TMEM132C: variants seen among roughly 807,000 people sequenced by gnomAD.
TMEM132C encodes protein phosphatase 1, regulatory subunit 152.
In TMEM132C, 29 loss-of-function variants were observed where a neutral mutation model predicts 61.4. That is an observed-to-expected ratio of 0.47 (90% CI 0.35 to 0.64). The LOEUF is 0.64. Among genes scored for constraint, TMEM132C ranks in the 30% least tolerant of loss-of-function variants. TMEM132C has a pLI of 0.00. For missense variants in TMEM132C, 1,408 were observed against 1,476.9 expected (o/e 0.95, Z 0.76); for synonymous variants, 656 against 633.1 (o/e 1.04, Z -0.54).
Position 128,464,790 on chromosome 12 carries a change from A to AAGAGAGAAAGAGAGAAAGAGAGAAAGAG in TMEM132C, c.974+49176_974+49177insAAAGAGAGAAAGAGAGAAAGAGAGAGAG, listed in dbSNP as rs139973235. Among the ~76,000 whole-genome samples the AAGAGAGAAAGAGAGAAAGAGAGAAAGAG allele has an allele frequency of 1.5e-3, 201 of 137,382 alleles. 9 individuals carry two copies. Among genetic ancestry groups the AAGAGAGAAAGAGAGAAAGAGAGAAAGAG allele is most frequent in the East Asian group, 9.7e-3 (43 of 4,424 alleles). The allele number at this position is 137,382 out of a possible 152,430, so 90.1% of individuals were successfully genotyped here. A position where few individuals can be genotyped will look rare whatever the true frequency, so the allele number is the denominator to read the frequency against. ...AAAGAAAGAAAGAAAGAAAGAGAGA[A>AAGAGAGAAAGAGAGAAAGAGAGAAAGAG]AGAGAGGGAGGGAGGGAGGAAGGAA... On this transcript the variant is annotated intron_variant, in intron 2 of 8. Transcript: ENST00000435159.
intron 1 of TMEM132C, among the ~76,000 whole-genome samples, chr12:128,345,627 C>T (rs1250132468): frequency 6.6e-6 from 1 of 151,708 alleles, no homozygotes; most frequent in Non-Finnish European, 1.5e-5. Context: ...GAGATGGTGT[C>T]CCATTGCAGT....
intron 1 of TMEM132C, among the ~76,000 whole-genome samples, chr12:128,318,752 A>C (rs971810054): frequency 6.6e-6 from 1 of 152,338 alleles, no homozygotes; most frequent in East Asian, 1.9e-4. Flanking sequence ...GGATACGTTA[A>C]AGTGATCACG....
chr12:128,495,412 ATC>A (rs1027173610), intron 2 of TMEM132C, among the ~76,000 whole-genome samples: 1 of 152,052 alleles, frequency 6.6e-6, no homozygotes. Flanking sequence ...TGTCTCATTG[ATC>A]TGTCTAATGT....
intron 2 of TMEM132C, among the ~76,000 whole-genome samples, chr12:128,486,121 C>T (rs982022569): frequency 5.9e-5 from 9 of 152,104 alleles, no homozygotes; most frequent in African/African-American, 1.9e-4. Context: ...GTAGTCTACT[C>T]GGCGACACCT....
rs1039749333 is a variant in TMEM132C, at chr12:128,401,141, C to T, written c.86-13591C>T. 1.4e-4 allele frequency among the ~76,000 whole-genome samples: 21 copies of T among 152,226 alleles called. No individual in the cohort carries two copies. In the East Asian group the frequency reaches 3.1e-3, roughly 22 times the overall value. On this transcript the variant is annotated intron_variant, in intron 1 of 8. Coordinates refer to ENST00000435159, the MANE Select transcript of TMEM132C (RefSeq NM_001136103.3). ...TTTGGTACAGGCTGCAAGCTAAATA[C>T]GGTATTTACATTTTTAAAGATTATG...
intron 5 of TMEM132C, among the ~76,000 whole-genome samples, chr12:128,671,671 G>A (rs1432756403): frequency 6.6e-6 from 1 of 152,174 alleles, no homozygotes. Flanking sequence ...CACCATGCTA[G>A]ACTGTCCACT....
rs1461113209 is a variant in TMEM132C at position 128,706,785 on chromosome 12, A to C, written c.*490A>C. On this transcript the variant is annotated 3_prime_UTR_variant, in exon 9 of 9. Coordinates refer to ENST00000435159, the MANE Select transcript of TMEM132C (RefSeq NM_001136103.3). ...AACTGTCACCACACAGCTGGGGGGG[A>C]GTCATTTCTTAACAAGGGATGCCTC... The C allele has an allele frequency of 6.6e-6, 1 of 152,620 alleles. No homozygotes were observed. Among genetic ancestry groups the C allele is most frequent in the South Asian group, 2.1e-4 (1 of 4,834 alleles). 9.5% of individuals were successfully genotyped at this position (152,620 alleles called of 1,614,324 possible). A position where few individuals can be genotyped will look rare whatever the true frequency, so the allele number is the denominator to read the frequency against.
Position 128,706,482 on chromosome 12 carries a change from G to A in TMEM132C, c.*187G>A. 3.9e-6 allele frequency: 3 copies of A among 766,238 alleles called. No homozygotes were observed. Among genetic ancestry groups the A allele is most frequent in the Non-Finnish European group, 3.8e-6 (2 of 525,456 alleles). 47.5% of individuals were successfully genotyped at this position (766,238 alleles called of 1,614,324 possible). On this transcript the variant is annotated 3_prime_UTR_variant, in exon 9 of 9. Transcript: ENST00000435159. ...AAGGGATTTTTAGCAGTTAATGGTGGTGGATTTTTAAAGGTCAGGGGAATA... is the reference window on the plus strand; with the variant it reads ...AAGGGATTTTTAGCAGTTAATGGTGATGGATTTTTAAAGGTCAGGGGAATA...
At chr12:128,345,171 C>T (rs1002209145) in intron 1 of TMEM132C, among the ~76,000 whole-genome samples, 1 of 152,052 alleles carries the variant, frequency 6.6e-6, no homozygotes, top group Non-Finnish European at 1.5e-5. Flanking sequence ...TTTGTCTGTT[C>T]CTGCATTAAC....
intron 2 of TMEM132C, among the ~76,000 whole-genome samples, chr12:128,417,483 T>C (rs1274217436): frequency 6.6e-6 from 1 of 152,136 alleles, no homozygotes; most frequent in Non-Finnish European, 1.5e-5. Flanking sequence ...ATCACAAAGA[T>C]AGGCATGGTG....
chr12:128,671,886 A>G (rs1954535738), intron 5 of TMEM132C, among the ~76,000 whole-genome samples: 1 of 152,146 alleles, frequency 6.6e-6, no homozygotes, highest in South Asian at 2.1e-4. Flanking sequence ...AGAGTGCTTT[A>G]ACAGAAAGAC....
At chr12:128,689,686 T>C (rs1208001113) in intron 5 of TMEM132C, among the ~76,000 whole-genome samples, 1 of 152,130 alleles carries the variant, frequency 6.6e-6, no homozygotes, top group Non-Finnish European at 1.5e-5. Flanking sequence ...TTAGGAGTTG[T>C]CAGCACAGAG....
intron 3 of TMEM132C, among the ~76,000 whole-genome samples, chr12:128,549,685 G>A (rs1288935001): frequency 2.6e-5 from 4 of 152,156 alleles, no homozygotes; most frequent in African/African-American, 9.7e-5. Flanking sequence ...GCTCAGCATA[G>A]GATGAACAGG....
At chr12:128,635,774 G>A (rs79093708) in intron 4 of TMEM132C, among the ~76,000 whole-genome samples, 4,980 of 152,190 alleles carry the variant, frequency 0.033, 255 homozygotes, top group African/African-American at 0.11. Context: ...AAAAGCCAGC[G>A]CTCCCAGGTG....
At chr12:128,328,157 G>A (rs1229642821) in intron 1 of TMEM132C, among the ~76,000 whole-genome samples, 2 of 152,198 alleles carry the variant, frequency 1.3e-5, no homozygotes, top group Non-Finnish European at 2.9e-5. Flanking sequence ...GTGAGAAAGC[G>A]GGTGATTGGA....
rs577983747 is a variant in TMEM132C, at chr12:128,535,888, AC to A, written c.975-8068del. On this transcript the variant is annotated intron_variant, in intron 2 of 8. Transcript: ENST00000435159. ...ATCAAAAAAAAAAAAAAGTCAGGAAACAACAGATACTGGAAAGGATGTGGAG... is the reference window on the plus strand; with the variant it reads ...ATCAAAAAAAAAAAAAAGTCAGGAAAAACAGATACTGGAAAGGATGTGGAG... Among the ~76,000 whole-genome samples the A allele has an allele frequency of 5.8e-4, 89 of 152,210 alleles. 2 individuals carry two copies. Among genetic ancestry groups the A allele is most frequent in the African/African-American group, 2.0e-3 (85 of 41,536 alleles).
intron 1 of TMEM132C, among the ~76,000 whole-genome samples, chr12:128,319,947 C>T (rs1046423286): frequency 1.3e-5 from 2 of 151,994 alleles, no homozygotes; most frequent in Admixed American, 1.3e-4. Flanking sequence ...TGGACATTTC[C>T]AGGTGATGAA....
intron 1 of TMEM132C, among the ~76,000 whole-genome samples, chr12:128,395,755 C>A (rs960187731): frequency 6.6e-6 from 1 of 152,116 alleles, no homozygotes; most frequent in Non-Finnish European, 1.5e-5. Flanking sequence ...ACTTTCACAC[C>A]GTCATAAAGT....
At chr12:128,430,947 G>A (rs957917460) in intron 2 of TMEM132C, among the ~76,000 whole-genome samples, 1 of 152,086 alleles carries the variant, frequency 6.6e-6, no homozygotes, top group African/African-American at 2.4e-5. Context: ...AACCCTACAC[G>A]GGCCTCTAAG....
Sources: allele counts gnomAD v4.1 joint callset (sites outside exome capture counted in the v4.1 genomes callset), GRCh38; gene constraint gnomAD v4.1.1; transcripts MANE v1.5; gene names NCBI Gene and HGNC (gene_info 2026-07-23, HGNC 2026-07-21).